TRAPPC9: variants seen among roughly 807,000 people sequenced by gnomAD.
TRAPPC9 encodes the protein trafficking protein particle complex subunit 9.
Under a neutral mutation model 124.0 loss-of-function variants are expected in TRAPPC9, and 83 were observed. That is an observed-to-expected ratio of 0.67 (90% CI 0.56 to 0.80). The LOEUF (loss-of-function observed/expected upper bound fraction) is 0.80. TRAPPC9 is among the 30% of genes least tolerant of loss of function. The pLI, the probability that TRAPPC9 is intolerant of heterozygous loss-of-function variation, is 0.00. For synonymous variants in TRAPPC9, 638 were observed against 617.5 expected (o/e 1.03, Z -0.49); for missense variants, 1,302 against 1,508.3 (o/e 0.86, Z 2.27).
At chr8:139,875,565 G>A (rs1829266867) in intron 21 of TRAPPC9, among the ~76,000 whole-genome samples, 1 of 152,206 alleles carries the variant, frequency 6.6e-6, no homozygotes, top group Admixed American at 6.5e-5. Context: ...ATGCCAACTG[G>A]GCCATGCGAC....
intron 21 of TRAPPC9, among the ~76,000 whole-genome samples, chr8:139,802,891 G>A (rs1030234498): frequency 6.6e-6 from 1 of 152,090 alleles, no homozygotes; most frequent in African/African-American, 2.4e-5. Flanking sequence ...TGAGTGCTCT[G>A]TGTGCATGTT....
At chr8:140,055,157 A>G (rs1300224008) in intron 17 of TRAPPC9, among the ~76,000 whole-genome samples, 1 of 152,196 alleles carries the variant, frequency 6.6e-6, no homozygotes, top group East Asian at 1.9e-4. Flanking sequence ...ATAGAAAATC[A>G]AATTCAACAA....
At chr8:140,127,349 CAACT>C (rs1447283133) in intron 17 of TRAPPC9, among the ~76,000 whole-genome samples, 4 of 152,164 alleles carry the variant, frequency 2.6e-5, no homozygotes, top group Non-Finnish European at 5.9e-5. Flanking sequence ...CATACACAAC[CAACT>C]ATGTTAGAGT....
chr8:140,010,835 C>T (rs943988139), intron 18 of TRAPPC9, among the ~76,000 whole-genome samples: 9 of 152,044 alleles, frequency 5.9e-5, no homozygotes, highest in Non-Finnish European at 2.9e-5. Context: ...CAAGAATGTC[C>T]AATGCAAAAC....
chr8:140,125,226 G>C (rs2061067327), intron 17 of TRAPPC9, among the ~76,000 whole-genome samples: 1 of 152,204 alleles, frequency 6.6e-6, no homozygotes, highest in Non-Finnish European at 1.5e-5. Flanking sequence ...GGGCCTCAAA[G>C]GTAACTGGCC....
chr8:140,274,801 T>A (rs1291986927), intron 15 of TRAPPC9, among the ~76,000 whole-genome samples: 3 of 152,150 alleles, frequency 2.0e-5, no homozygotes, highest in Admixed American at 1.3e-4. Context: ...GGAAGTAACA[T>A]GTGATTAGTA....
Position 140,255,495 on chromosome 8 carries a change from G to A in TRAPPC9, c.2279-2566C>T, listed in dbSNP as rs774556377. Among the ~76,000 whole-genome samples the A allele has an allele frequency of 2.6e-5, 4 of 152,356 alleles. No individual in the cohort carries two copies. In the South Asian group the frequency reaches 8.3e-4, roughly 32 times the overall value. On this transcript the variant is annotated intron_variant, in intron 15 of 22. Transcript: ENST00000438773. ...AGAATGATCTGGGAAAAGACAGATG[G>A]CTGGGAAAAGGATGATGGAATCGTT...
chr8:139,739,333 C>G (rs7813826), intron 21 of TRAPPC9, among the ~76,000 whole-genome samples: 13 of 152,246 alleles, frequency 8.5e-5, no homozygotes, highest in Non-Finnish European at 1.8e-4. Flanking sequence ...CCTTTCTGCA[C>G]GACCACAGCT....
intron 18 of TRAPPC9, among the ~76,000 whole-genome samples, chr8:140,001,944 AAATT>A (rs1838425676): frequency 6.6e-6 from 1 of 152,234 alleles, no homozygotes. Flanking sequence ...TCAATTAAAT[AAATT>A]AAACATATTG....
chr8:140,401,165 T>C (rs531436344), intron 6 of TRAPPC9, among the ~76,000 whole-genome samples: 1 of 152,334 alleles, frequency 6.6e-6, no homozygotes, highest in South Asian at 2.1e-4. Context: ...GTGGCATCAC[T>C]GCTAATGAAC....
At chr8:140,046,371 G>C (rs1358573296) in intron 17 of TRAPPC9, among the ~76,000 whole-genome samples, 1 of 152,278 alleles carries the variant, frequency 6.6e-6, no homozygotes, top group Non-Finnish European at 1.5e-5. Context: ...TTTATAGCAG[G>C]AAAGAGAGCT....
At chr8:139,902,450 G>A (rs968077269) in intron 20 of TRAPPC9, among the ~76,000 whole-genome samples, 1 of 152,174 alleles carries the variant, frequency 6.6e-6, no homozygotes, top group Non-Finnish European at 1.5e-5. Flanking sequence ...GAGATTAAAG[G>A]CCTCAGAACC....
chr8:140,307,898 C>T (rs978450387), intron 10 of TRAPPC9, among the ~76,000 whole-genome samples: 1 of 152,208 alleles, frequency 6.6e-6, no homozygotes, highest in African/African-American at 2.4e-5. Context: ...GAGAGGCCAC[C>T]TGTTTCCGGC....
intron 21 of TRAPPC9, among the ~76,000 whole-genome samples, chr8:139,743,848 A>T (rs1199597079): frequency 1.3e-5 from 2 of 152,122 alleles, no homozygotes; most frequent in African/African-American, 4.8e-5. Context: ...GTTGCTAGCT[A>T]CTCAATGCCC....
chr8:140,301,879 C>A (rs1341539738), intron 10 of TRAPPC9, among the ~76,000 whole-genome samples: 1 of 152,230 alleles, frequency 6.6e-6, no homozygotes, highest in Non-Finnish European at 1.5e-5. Context: ...GAGCACCAGA[C>A]AGATGCGGCC....
At chr8:139,891,545 G>A (rs188042639) in intron 20 of TRAPPC9, among the ~76,000 whole-genome samples, 102 of 152,322 alleles carry the variant, frequency 6.7e-4, no homozygotes, top group African/African-American at 2.1e-3. Flanking sequence ...GCAGGGTCCC[G>A]AACCCAGCTC....
At chr8:140,287,507 T>C (rs2065522046) in intron 13 of TRAPPC9, 101 bp downstream of exon 13, 5 of 1,484,572 alleles carry the variant, frequency 3.4e-6, no homozygotes, top group Non-Finnish European at 3.8e-6. Flanking sequence ...TTCTAACTGG[T>C]TAGGACTGGC....
At chr8:140,296,341 T>G (rs1013433016) in intron 11 of TRAPPC9, among the ~76,000 whole-genome samples, 2 of 152,236 alleles carry the variant, frequency 1.3e-5, no homozygotes, top group African/African-American at 4.8e-5. Context: ...CTTGGCTCAC[T>G]ATAGCCTCGA....
intron 21 of TRAPPC9, among the ~76,000 whole-genome samples, chr8:139,882,718 G>A (rs779863516): frequency 2.2e-4 from 33 of 152,134 alleles, no homozygotes; most frequent in Non-Finnish European, 4.3e-4. Context: ...ATGGTAGCAG[G>A]GGCTGCACTG....
Sources: allele counts gnomAD v4.1 joint callset (sites outside exome capture counted in the v4.1 genomes callset), GRCh38; gene constraint gnomAD v4.1.1; transcripts MANE v1.5; gene names NCBI Gene and HGNC (gene_info 2026-07-23, HGNC 2026-07-21).